The following BTAF1 variants were observed in gnomAD, a reference collection of about 807,000 sequenced individuals.
The protein encoded by BTAF1 is TATA-binding protein-associated factor 172.
A neutral mutation model predicts 227.1 loss-of-function variants in BTAF1; 38 were observed. The ratio of observed to expected loss-of-function variants is 0.17; its 90% CI spans 0.13 to 0.22. The LOEUF (loss-of-function observed/expected upper bound fraction) is 0.22, where lower values mean the gene tolerates loss of function less well. BTAF1 is among the 10% of genes least tolerant of loss of function. BTAF1 has a pLI of 1.00. For missense variants in BTAF1, 1,598 were observed against 2,204.0 expected, an observed-to-expected ratio of 0.73 and a Z score of 5.51; for synonymous variants, 742 against 751.9, an observed-to-expected ratio of 0.99 and a Z score of 0.21.
Position 92,029,157 on chromosome 10 carries a change from G to A in BTAF1, c.*224G>A, listed in dbSNP as rs917348676. ...ATGTGAAATGGTTTAAATTTTACAT[G>A]CTGAAAAGCTGCAGAGCAGAGGAAC... On this transcript the variant is annotated 3_prime_UTR_variant, in exon 38 of 38. Coordinates refer to ENST00000265990, the MANE Select transcript of BTAF1 (RefSeq NM_003972.3). 7.5e-6 allele frequency: 3 copies of A among 400,874 alleles called. No individual in the cohort carries two copies. Among genetic ancestry groups the A allele is most frequent in the African/African-American group, 4.2e-5 (2 of 47,204 alleles). 24.8% of individuals were successfully genotyped at this position (400,874 alleles called of 1,614,324 possible).
At position 92,023,920 on chromosome 10, in the gene BTAF1, G is replaced by C. The variant is rs528492209; in HGVS notation, c.4864-836G>C. Among the ~76,000 whole-genome samples, 465 of 152,198 alleles carry C rather than the reference G, an allele frequency of 3.1e-3. 9 individuals carry two copies. The highest frequency in any genetic ancestry group is 0.011 in the African/African-American group (454 of 41,550). On this transcript the variant is annotated intron_variant, in intron 34 of 37. Coordinates refer to ENST00000265990, the MANE Select transcript of BTAF1 (RefSeq NM_003972.3). Reference sequence around the variant, plus strand: ...AAGTGCTGGGATTACAGGTGTATAAGCCCCCACTGCCGGCCCAGCTCTTAG... The same window carrying C: ...AAGTGCTGGGATTACAGGTGTATAACCCCCCACTGCCGGCCCAGCTCTTAG...
intron 12 of BTAF1, among the ~76,000 whole-genome samples, chr10:91,963,418 C>CA (rs71025375): frequency 0.47 from 59,655 of 126,938 alleles, 13,518 homozygotes; most frequent in East Asian, 0.71. Context: ...GACTCCGTCT[C>CA]AAAAAAAAAA....
chr10:92,001,746 C>G (rs1034594831), intron 25 of BTAF1, among the ~76,000 whole-genome samples: 2 of 151,916 alleles, frequency 1.3e-5, no homozygotes, highest in Admixed American at 1.3e-4. Flanking sequence ...AAAAATATGT[C>G]CAGTAACTGG....
At chr10:91,925,052 C>T (rs547238905) in intron 1 of BTAF1, among the ~76,000 whole-genome samples, 2 of 152,234 alleles carry the variant, frequency 1.3e-5, no homozygotes, top group Admixed American at 6.5e-5. Context: ...ATTAAGTGCA[C>T]AAGTTTTATC....
In BTAF1 at chr10:91,992,044, A is replaced by C; in HGVS notation, c.2855-75A>C. The C allele has an allele frequency of 4.0e-6, 5 of 1,238,540 alleles. No homozygotes were observed. In the South Asian group the frequency reaches 8.0e-5, roughly 20 times the overall value. The allele number at this position is 1,238,540 out of a possible 1,614,324, so 76.7% of individuals were successfully genotyped here. On this transcript the variant is annotated intron_variant, in intron 20 of 37. Coordinates refer to ENST00000265990, the MANE Select transcript of BTAF1 (RefSeq NM_003972.3). Reference sequence around the variant, plus strand: ...AAAAGACATAGTTTAAAAATGTTTTATCTCTTATGGAGCTGAAAACATTTG... The same window carrying C: ...AAAAGACATAGTTTAAAAATGTTTTCTCTCTTATGGAGCTGAAAACATTTG...
chr10:91,976,676 T>A (rs1847716794), intron 14 of BTAF1, among the ~76,000 whole-genome samples: 1 of 152,204 alleles, frequency 6.6e-6, no homozygotes, highest in South Asian at 2.1e-4. Context: ...AAAAAAAATT[T>A]CTTATATTAC....
rs1564671572 is a variant in BTAF1, at chr10:91,956,617, T to G, written c.791T>G (p.Leu264Trp). ...INQSANDSKV[L>W]IDNIPDSSSL... ...CAGTCTGCAAATGATTCCAAAGTCTTGATTGATAATATTCCAGACAGCTCT... is the reference window on the plus strand; with the variant it reads ...CAGTCTGCAAATGATTCCAAAGTCTGGATTGATAATATTCCAGACAGCTCT... The change falls in exon 7 of 38, where the codon TTG (leucine) becomes TGG (tryptophan). Residue 264 changes from leucine (L) to tryptophan (W), a missense_variant. Coordinates refer to ENST00000265990, the MANE Select transcript of BTAF1 (RefSeq NM_003972.3). 6.2e-7 allele frequency: 1 copy of G among 1,609,896 alleles called. No homozygotes were observed. Among genetic ancestry groups the G allele is most frequent in the African/African-American group, 1.3e-5 (1 of 74,566 alleles).
chr10:91,994,175 G>T (rs1415321557), intron 22 of BTAF1, among the ~76,000 whole-genome samples: 2 of 151,976 alleles, frequency 1.3e-5, no homozygotes, highest in Admixed American at 1.3e-4. Flanking sequence ...TTAGCTGGGC[G>T]TGTAGTCCCA....
At chr10:91,928,213 C>A (rs373831540) in intron 1 of BTAF1, among the ~76,000 whole-genome samples, 1 of 151,810 alleles carries the variant, frequency 6.6e-6, no homozygotes, top group South Asian at 2.1e-4. Context: ...TTTTTTAGAC[C>A]CTGCTTAATA....
intron 4 of BTAF1, among the ~76,000 whole-genome samples, chr10:91,946,150 G>A (rs1845346153): frequency 1.3e-5 from 2 of 152,190 alleles, no homozygotes; most frequent in Non-Finnish European, 1.5e-5. Flanking sequence ...CCTGAGGTCA[G>A]GAGTTTGAGA....
chr10:92,023,775 A>G (rs1851302375), intron 34 of BTAF1, among the ~76,000 whole-genome samples: 1 of 152,072 alleles, frequency 6.6e-6, no homozygotes, highest in Non-Finnish European at 1.5e-5. Flanking sequence ...AGCTGGGACT[A>G]CAGGTGCATG....
At position 91,950,913 on chromosome 10, in the gene BTAF1, G is replaced by T. The variant is rs1282010390; in HGVS notation, c.401-490G>T. Among the ~76,000 whole-genome samples, 5 of 149,042 alleles carry T rather than the reference G, an allele frequency of 3.4e-5. No individual in the cohort carries two copies. In the East Asian group the frequency reaches 9.8e-4, roughly 29 times the overall value. Reference sequence around the variant, plus strand: ...AGTGTTTTGATCACAGCTCACTGCAGCCTTGACCTGGGCTGAAGCAAGCCT... The same window carrying T: ...AGTGTTTTGATCACAGCTCACTGCATCCTTGACCTGGGCTGAAGCAAGCCT... On this transcript the variant is annotated intron_variant, in intron 4 of 37. Transcript: ENST00000265990.
At chr10:91,969,233 T>A (rs1847128065) in intron 14 of BTAF1, among the ~76,000 whole-genome samples, 1 of 152,034 alleles carries the variant, frequency 6.6e-6, no homozygotes. Flanking sequence ...TGCAGGCTAT[T>A]TTTAACTTGT....
At position 92,017,768 on chromosome 10, in the gene BTAF1, C is replaced by T. The variant is rs111304240; in HGVS notation, c.4711-1015C>T. Reference sequence around the variant, plus strand: ...TCAAGTGATCCTCCCTCTTCAGCCTCCTAAGTAGCTGGGATTATAGGTGCA... The same window carrying T: ...TCAAGTGATCCTCCCTCTTCAGCCTTCTAAGTAGCTGGGATTATAGGTGCA... On this transcript the variant is annotated intron_variant, in intron 33 of 37. Coordinates refer to ENST00000265990, the MANE Select transcript of BTAF1 (RefSeq NM_003972.3). Among the ~76,000 whole-genome samples the T allele has an allele frequency of 3.3e-3, 505 of 152,268 alleles. 11 individuals carry two copies. The highest frequency in any genetic ancestry group is 0.012 in the African/African-American group (493 of 41,552).
At chr10:91,961,749 T>C (rs577652264) in intron 11 of BTAF1, among the ~76,000 whole-genome samples, 91 of 152,338 alleles carry the variant, frequency 6.0e-4, no homozygotes, top group Non-Finnish European at 1.0e-3. Context: ...CTCAGTGAGA[T>C]TCCTAGTATA....
Position 91,989,444 on chromosome 10 carries a change from G to T in BTAF1, c.2718G>T (p.Gln906His). 9 of 1,614,134 alleles carry T rather than the reference G, an allele frequency of 5.6e-6. No homozygotes were observed. Among genetic ancestry groups the T allele is most frequent in the Non-Finnish European group, 7.6e-6 (9 of 1,180,042 alleles). The stretch of plus-strand genomic sequence containing the variant: ...CTCAGTGCATAGCTAAACTCCTTCA[G>T]CAGTGCACAACAAGGACGCCCTGTC... ...YAAQCIAKLL[Q>H]QCTTRTPCPN... Residue 906 changes from glutamine (Q) to histidine (H), a missense_variant, in exon 20 of 38, where the codon CAG (glutamine) becomes CAT (histidine). By Grantham distance (24) the Gln-to-His change is conservative. This residue lies in a region of BTAF1 where 425 missense variants were observed against 491.2 expected (regional missense o/e 0.87). Transcript: ENST00000265990.
intron 4 of BTAF1, among the ~76,000 whole-genome samples, chr10:91,944,241 T>C (rs887051592): frequency 6.6e-6 from 1 of 152,238 alleles, no homozygotes; most frequent in Non-Finnish European, 1.5e-5. Flanking sequence ...CTCAGTTTTT[T>C]AGTGCTAGTA....
Position 92,027,295 on chromosome 10 carries a change from G to T in BTAF1, c.5401G>T (p.Asp1801Tyr). 1 of 1,602,046 alleles carries T rather than the reference G, an allele frequency of 6.2e-7. No homozygotes were observed. Among genetic ancestry groups the T allele is most frequent in the East Asian group, 2.2e-5 (1 of 44,736 alleles). Residue 1801 changes from aspartate (D) to tyrosine (Y), a missense_variant, in exon 37 of 38, where the codon GAT becomes TAT. Asp to Tyr is a radical substitution (Grantham distance 160, BLOSUM62 -3). This residue lies in a region of BTAF1 where 79 missense variants were observed against 97.9 expected (regional missense o/e 0.81). Coordinates refer to ENST00000265990, the MANE Select transcript of BTAF1 (RefSeq NM_003972.3). ...TDQLLDLFTL[D>Y]KDGKAEKADT... Reference sequence around the variant, plus strand: ...TCAGCTTCTTGATCTGTTTACTCTTGATAAGGTAAAGAACTTACACAATTT... The same window carrying T: ...TCAGCTTCTTGATCTGTTTACTCTTTATAAGGTAAAGAACTTACACAATTT...
intron 9 of BTAF1, 43 bp from the exon 10 acceptor site, chr10:91,959,741 TA>T: frequency 2.2e-5 from 1 of 45,886 alleles, no homozygotes; most frequent in Non-Finnish European, 2.9e-5. Flanking sequence ...TGTGTGTGTG[TA>T]TATATATATA....
Sources: gnomAD v4.1 joint callset for allele counts (sites outside exome capture counted in the v4.1 genomes callset) on GRCh38, gnomAD v4.1.1 for gene constraint, gnomAD v4.1.1 regional missense constraint, MANE v1.5 for transcripts, NCBI Gene and HGNC (gene_info 2026-07-23, HGNC 2026-07-21) for gene names.